Variants in ANKMY1 observed in about 807,000 individuals in gnomAD.
The protein encoded by ANKMY1 is ankyrin repeat and MYND domain containing 1.
ANKMY1 carries 98 observed loss-of-function variants against 102.0 expected under a neutral mutation model. The observed-to-expected ratio is 0.96, with a 90% CI of 0.82 to 1.14. ANKMY1 has a LOEUF of 1.14. Among genes scored for constraint, ANKMY1 ranks in the 50% most tolerant of loss-of-function variants. ANKMY1 has a pLI of 0.00. For synonymous variants in ANKMY1, 582 were observed against 559.9 expected (o/e 1.04, Z -0.56); for missense variants, 1,330 against 1,347.6 (o/e 0.99, Z 0.20).
At chr2:240,493,672 G>C (rs79737212) in intron 15 of ANKMY1, among the ~76,000 whole-genome samples, 5,298 of 152,230 alleles carry the variant, frequency 0.035, 267 homozygotes, top group East Asian at 0.15. Flanking sequence ...GCTGTGGCAA[G>C]GTTGTGTGCT....
chr2:240,481,972 C>G (rs930358587), intron 16 of ANKMY1, among the ~76,000 whole-genome samples: 3 of 152,160 alleles, frequency 2.0e-5, no homozygotes, highest in African/African-American at 7.2e-5. Context: ...CCCTATGACT[C>G]TGCACCCTCA....
chr2:240,552,685 C>T, intron 4 of ANKMY1: 1 of 597,860 alleles, frequency 1.7e-6, no homozygotes, highest in Non-Finnish European at 2.9e-6. Context: ...TTTCTTAAAT[C>T]TAAAGGACAT....
At chr2:240,527,188 G>T in intron 5 of ANKMY1, 1 of 144,482 alleles carries the variant, frequency 6.9e-6, no homozygotes, top group Non-Finnish European at 1.3e-5. Context: ...GGATAAGTGG[G>T]TGGGTGGATG....
At chr2:240,524,549 C>T (rs1279490034) in intron 7 of ANKMY1, among the ~76,000 whole-genome samples, 168 bp from the exon 8 acceptor site, 1 of 152,178 alleles carries the variant, frequency 6.6e-6, no homozygotes, top group African/African-American at 2.4e-5. Context: ...AAAAGAACAC[C>T]CCTGTGAAGG....
At position 240,520,224 on chromosome 2, in the gene ANKMY1, C is replaced by A; in HGVS notation, c.2004+138G>T. The A allele has an allele frequency of 7.7e-7, 1 of 1,302,358 alleles. No homozygotes were observed. Among genetic ancestry groups the A allele is most frequent in the Non-Finnish European group, 1.1e-6 (1 of 924,138 alleles). 80.7% of individuals were successfully genotyped at this position (1,302,358 alleles called of 1,614,324 possible). On this transcript the variant is annotated intron_variant, in intron 9 of 17. Coordinates refer to ENST00000401804, the MANE Select transcript of ANKMY1 (RefSeq NM_001282771.3). This position sits in a 1 kb window ranked among gnomAD's most constrained non-coding sequence, Gnocchi z 4.8. ...TGTGGGACCCCCCACTGCGGCGCGCCGTCATCACTCACAGCCCAGGTGGTC... is the reference window on the plus strand; with the variant it reads ...TGTGGGACCCCCCACTGCGGCGCGCAGTCATCACTCACAGCCCAGGTGGTC...
chr2:240,547,860 G>A (rs1575335724), intron 4 of ANKMY1, among the ~76,000 whole-genome samples: 1 of 151,136 alleles, frequency 6.6e-6, no homozygotes, highest in South Asian at 2.1e-4. Flanking sequence ...CTGAAATTGT[G>A]GCAATAATCA....
chr2:240,504,454 G>GA (rs2078721223), intron 13 of ANKMY1, among the ~76,000 whole-genome samples: 2 of 151,886 alleles, frequency 1.3e-5, no homozygotes, highest in African/African-American at 4.8e-5. Flanking sequence ...GGCAACAAAA[G>GA]AAAAAATAGA....
chr2:240,515,911 A>G (rs1396184480), intron 9 of ANKMY1, among the ~76,000 whole-genome samples: 1 of 150,958 alleles, frequency 6.6e-6, no homozygotes, highest in Non-Finnish European at 1.5e-5. Context: ...TTTTTAGTAG[A>G]GACAGGGTTT....
downstream of ANKMY1, among the ~76,000 whole-genome samples, chr2:240,477,060 T>C (rs1574828877): frequency 6.6e-6 from 1 of 152,226 alleles, no homozygotes. Context: ...GGCTCACGCC[T>C]GTAATCCCAG....
rs1204730539 is a variant in ANKMY1 at position 240,506,624 on chromosome 2, G to GC, written c.2526+935dup. On this transcript the variant is annotated intron_variant, in intron 13 of 17. Coordinates refer to ENST00000401804, the MANE Select transcript of ANKMY1 (RefSeq NM_001282771.3). The surrounding 1 kb of genome is among the most constrained non-coding windows in gnomAD (Gnocchi z 4.9). ...TTCCCCTTCCAAATGCCTGGGTCTC[G>GC]CCCCCCATTCCAGACGCCTGAGTCT... 6.7e-6 allele frequency among the ~76,000 whole-genome samples: 1 copy of GC among 150,280 alleles called. No homozygotes were observed. Among genetic ancestry groups the GC allele is most frequent in the African/African-American group, 2.5e-5 (1 of 40,712 alleles).
chr2:240,510,659 G>A (rs1257496736), intron 11 of ANKMY1, among the ~76,000 whole-genome samples: 1 of 152,112 alleles, frequency 6.6e-6, no homozygotes, highest in Admixed American at 6.5e-5. Context: ...GGCCAAGGAG[G>A]TGCCCACAGA....
chr2:240,477,067 C>T (rs2074906035), downstream of ANKMY1, among the ~76,000 whole-genome samples: 2 of 152,192 alleles, frequency 1.3e-5, no homozygotes, highest in Admixed American at 6.5e-5. Context: ...GCCTGTAATC[C>T]CAGCACTTTG....
intron 9 of ANKMY1, among the ~76,000 whole-genome samples, chr2:240,515,666 A>G (rs534484461): frequency 6.6e-6 from 1 of 152,340 alleles, no homozygotes; most frequent in South Asian, 2.1e-4. Flanking sequence ...TTCATAATAC[A>G]AGGGTAAAAT....
chr2:240,544,191 G>C (rs1287585743), intron 4 of ANKMY1, among the ~76,000 whole-genome samples: 1 of 152,054 alleles, frequency 6.6e-6, no homozygotes, highest in Non-Finnish European at 1.5e-5. Flanking sequence ...AGGTTATAAA[G>C]AAAAAATAAT....
At chr2:240,475,160 C>A (rs1270078076), downstream of ANKMY1, among the ~76,000 whole-genome samples, 1 of 152,190 alleles carries the variant, frequency 6.6e-6, no homozygotes, top group East Asian at 1.9e-4. Flanking sequence ...ATTTGCAGTT[C>A]TCTAATGATC....
At chr2:240,560,800 A>G, upstream of ANKMY1, 1 of 1,445,936 alleles carries the variant, frequency 6.9e-7, no homozygotes, top group African/African-American at 1.5e-5. Context: ...GCGGAGGAGC[A>G]GCTGGCGCGC....
chr2:240,524,977 G>C (rs969709515), intron 7 of ANKMY1, among the ~76,000 whole-genome samples: 1 of 152,196 alleles, frequency 6.6e-6, no homozygotes, highest in Non-Finnish European at 1.5e-5. Context: ...GATAAACATA[G>C]AAATCGACTC....
chr2:240,535,127 A>G (rs2086408250), intron 4 of ANKMY1, among the ~76,000 whole-genome samples: 1 of 152,234 alleles, frequency 6.6e-6, no homozygotes, highest in Admixed American at 6.5e-5. Context: ...ATGGCCCATG[A>G]CACAGCCCTC....
At chr2:240,500,783 A>G (rs1559261340) in intron 13 of ANKMY1, among the ~76,000 whole-genome samples, 1 of 152,206 alleles carries the variant, frequency 6.6e-6, no homozygotes, top group African/African-American at 2.4e-5. Flanking sequence ...TAATGATGTC[A>G]CAGCGAAGTC....
Sources: allele counts gnomAD v4.1 joint callset (sites outside exome capture counted in the v4.1 genomes callset), GRCh38; gene constraint gnomAD v4.1.1; non-coding constraint Gnocchi (gnomAD v3.1); transcripts MANE v1.5; gene names NCBI Gene and HGNC (gene_info 2026-07-23, HGNC 2026-07-21).